Variants in RAB31 observed in about 807,000 individuals in gnomAD.
The protein encoded by RAB31 is ras-related protein Rab-31.
In RAB31, 21 loss-of-function variants were observed where a neutral mutation model predicts 25.6. The ratio of observed to expected loss-of-function variants is 0.82; its 90% confidence interval spans 0.58 to 1.18. RAB31 has a LOEUF of 1.18. RAB31 is among the 50% of genes most tolerant of loss of function. RAB31 has a pLI of 0.00. For synonymous variants in RAB31, 87 were observed against 84.0 expected, an observed-to-expected ratio of 1.04 and a Z score of -0.20; for missense variants, 196 against 250.1, an observed-to-expected ratio of 0.78 and a Z score of 1.46.
At chr18:9,709,331 C>T (rs566328028) in intron 1 of RAB31, among the ~76,000 whole-genome samples, 28 of 152,252 alleles carry the variant, frequency 1.8e-4, no homozygotes, top group African/African-American at 6.0e-4. Flanking sequence ...AGAATTCCTT[C>T]TTCTAAAAGA....
At chr18:9,845,113 T>C (rs1268633668) in intron 5 of RAB31, among the ~76,000 whole-genome samples, 2 of 152,228 alleles carry the variant, frequency 1.3e-5, no homozygotes, top group African/African-American at 4.8e-5. Context: ...GGTATAACCA[T>C]GCTCGTTTCC....
At chr18:9,808,755 G>A (rs970394042) in intron 3 of RAB31, among the ~76,000 whole-genome samples, 2 of 152,156 alleles carry the variant, frequency 1.3e-5, no homozygotes, top group Non-Finnish European at 2.9e-5. Context: ...AGCGTCCTCT[G>A]GAAATCATAA....
intron 1 of RAB31, among the ~76,000 whole-genome samples, chr18:9,742,555 A>G (rs1169488927): frequency 6.6e-6 from 1 of 152,060 alleles, no homozygotes; most frequent in Non-Finnish European, 1.5e-5. Flanking sequence ...CTAATAAAAG[A>G]TGTTTCTATT....
intron 2 of RAB31, among the ~76,000 whole-genome samples, chr18:9,783,869 A>G (rs1236575202): frequency 6.6e-6 from 1 of 152,120 alleles, no homozygotes; most frequent in African/African-American, 2.4e-5. Context: ...AGAATAAGAT[A>G]TTTTCTACCT....
chr18:9,792,105 T>A, intron 2 of RAB31, 49 bp from the exon 3 acceptor site: 1 of 1,561,658 alleles, frequency 6.4e-7, no homozygotes, highest in Non-Finnish European at 8.7e-7. Flanking sequence ...TGTGAATCTT[T>A]GTGAAGAAAC....
chr18:9,810,643 A>G (rs984464171), intron 3 of RAB31, among the ~76,000 whole-genome samples: 16 of 152,338 alleles, frequency 1.1e-4, no homozygotes, highest in African/African-American at 3.6e-4. Context: ...ATATACCAAG[A>G]TCGCTTCAAT....
intron 1 of RAB31, among the ~76,000 whole-genome samples, chr18:9,765,299 T>A (rs952719051): frequency 1.3e-5 from 2 of 152,184 alleles, no homozygotes; most frequent in African/African-American, 4.8e-5. Flanking sequence ...AATAATTTTG[T>A]GTTATGGTTT....
intron 1 of RAB31, among the ~76,000 whole-genome samples, chr18:9,719,007 C>A (rs773444747): frequency 1.3e-5 from 2 of 151,806 alleles, no homozygotes; most frequent in African/African-American, 4.8e-5. Context: ...TGGTGACTCA[C>A]GCCTGTAATC....
intron 3 of RAB31, among the ~76,000 whole-genome samples, chr18:9,805,355 G>A (rs2068534947): frequency 6.6e-6 from 1 of 151,744 alleles, no homozygotes; most frequent in Non-Finnish European, 1.5e-5. Context: ...CTTCCTGGAG[G>A]TACAAGGGCA....
Position 9,862,079 on chromosome 18 carries a change from G to C in RAB31, c.*2754G>C, listed in dbSNP as rs535916374. ...AGGGCTGTGCCCCAATGGAAACTGA[G>C]TTCATTTTCTGAGAAAGGTTTGGAT... On this transcript the variant is annotated 3_prime_UTR_variant, in exon 7 of 7. Coordinates refer to ENST00000578921, the MANE Select transcript of RAB31 (RefSeq NM_006868.4). The C allele has an allele frequency of 1.3e-5, 2 of 152,762 alleles. No homozygotes were observed. The highest frequency in any genetic ancestry group is 3.9e-4 in the East Asian group (2 of 5,188). 9.5% of individuals were successfully genotyped at this position (152,762 alleles called of 1,614,324 possible). A position where few individuals can be genotyped will look rare whatever the true frequency, so the allele number is the denominator to read the frequency against.
chr18:9,788,665 T>C (rs947713922), intron 2 of RAB31, among the ~76,000 whole-genome samples: 1 of 152,210 alleles, frequency 6.6e-6, no homozygotes, highest in African/African-American at 2.4e-5. Context: ...GTGTCCATCA[T>C]CCATCAACAA....
chr18:9,775,637 G>A (rs1237600767), intron 2 of RAB31, among the ~76,000 whole-genome samples: 3 of 151,952 alleles, frequency 2.0e-5, no homozygotes, highest in African/African-American at 4.8e-5. Context: ...AAATCTTGGC[G>A]TTATTTCCAG....
chr18:9,827,255 G>T (rs984218524), intron 5 of RAB31, among the ~76,000 whole-genome samples: 12 of 151,962 alleles, frequency 7.9e-5, no homozygotes, highest in Non-Finnish European at 1.6e-4. Context: ...GTGTATTTAG[G>T]GCCACGAATG....
intron 6 of RAB31, among the ~76,000 whole-genome samples, chr18:9,848,226 C>A (rs1238620489): frequency 6.6e-6 from 1 of 152,182 alleles, no homozygotes; most frequent in East Asian, 1.9e-4. Flanking sequence ...TTCCCTCCAT[C>A]TGTCTGTCCA....
chr18:9,776,928 G>A (rs776182764), intron 2 of RAB31, among the ~76,000 whole-genome samples: 3 of 152,156 alleles, frequency 2.0e-5, no homozygotes, highest in African/African-American at 4.8e-5. Flanking sequence ...AAACTTTTGA[G>A]TGCCAACATG....
intron 6 of RAB31, among the ~76,000 whole-genome samples, chr18:9,849,123 G>T (rs8087825): frequency 0.031 from 4,702 of 152,062 alleles, 107 homozygotes; most frequent in Non-Finnish European, 0.044. Flanking sequence ...TCTACCCAGG[G>T]TTTGTTTATT....
At chr18:9,737,802 A>T (rs1365597478) in intron 1 of RAB31, among the ~76,000 whole-genome samples, 3 of 152,210 alleles carry the variant, frequency 2.0e-5, no homozygotes, top group Non-Finnish European at 2.9e-5. Flanking sequence ...GGGCTGAAAT[A>T]GTCCATAGCA....
At chr18:9,856,080 A>G (rs766537901) in intron 6 of RAB31, 2 of 152,196 alleles carry the variant, frequency 1.3e-5, no homozygotes, top group African/African-American at 4.8e-5. Context: ...AACTCTTCCT[A>G]CCAAAGGAGA....
At chr18:9,714,580 A>T (rs1245219065) in intron 1 of RAB31, among the ~76,000 whole-genome samples, 1 of 152,264 alleles carries the variant, frequency 6.6e-6, no homozygotes, top group Non-Finnish European at 1.5e-5. Context: ...TTTAAAATTT[A>T]ATTAAGCCTG....
Sources: allele counts gnomAD v4.1 joint callset (sites outside exome capture counted in the v4.1 genomes callset), GRCh38; gene constraint gnomAD v4.1.1; transcripts MANE v1.5; gene names NCBI Gene and HGNC (gene_info 2026-07-23, HGNC 2026-07-21).